The following MALT1 variants were observed in gnomAD, a reference collection of about 807,000 sequenced individuals.
MALT1 encodes the protein mucosa-associated lymphoid tissue lymphoma translocation protein 1.
In MALT1, 36 loss-of-function variants were observed where a neutral mutation model predicts 85.5. The ratio of observed to expected loss-of-function variants is 0.42; its 90% CI spans 0.32 to 0.56. The LOEUF (loss-of-function observed/expected upper bound fraction) is 0.56, where lower values mean the gene tolerates loss of function less well. Among genes scored for constraint, MALT1 ranks in the 20% least tolerant of loss-of-function variants. The probability of loss-of-function intolerance (pLI) is 0.10; values close to 1 mark genes in which losing one functional copy is unlikely to be tolerated. For missense variants in MALT1, 716 were observed against 981.6 expected, an observed-to-expected ratio of 0.73 and a Z score of 3.62; for synonymous variants, 359 against 361.3, an observed-to-expected ratio of 0.99 and a Z score of 0.07.
In MALT1 at chr18:58,709,958, G is replaced by A; in HGVS notation, c.829-18G>A. 1 of 1,485,846 alleles carries A rather than the reference G, an allele frequency of 6.7e-7. No homozygotes were observed. The highest frequency in any genetic ancestry group is 9.3e-7 in the Non-Finnish European group (1 of 1,073,194). The allele number at this position is 1,485,846 out of a possible 1,614,324, so 92.0% of individuals were successfully genotyped here. A position where few individuals can be genotyped will look rare whatever the true frequency, so the allele number is the denominator to read the frequency against. Reference sequence around the variant, plus strand: ...AAAATAGAAGAGGAAGCATTTACATGTTCTAATATTGATATAGGTGCCTTA... The same window carrying A: ...AAAATAGAAGAGGAAGCATTTACATATTCTAATATTGATATAGGTGCCTTA... On this transcript the variant is annotated intron_variant, in intron 5 of 16. Transcript: ENST00000649217.
intron 7 of MALT1, among the ~76,000 whole-genome samples, chr18:58,711,421 T>C (rs2054829475): frequency 1.3e-5 from 2 of 152,212 alleles, no homozygotes; most frequent in Non-Finnish European, 1.5e-5. Context: ...ACATATGTTC[T>C]ATGAAATATT....
intron 4 of MALT1, among the ~76,000 whole-genome samples, chr18:58,702,407 G>A (rs1253215352): frequency 6.6e-6 from 1 of 151,900 alleles, no homozygotes; most frequent in Non-Finnish European, 1.5e-5. Flanking sequence ...AAGAAACATT[G>A]TGAAACTAAC....
At chr18:58,683,900 G>T (rs994376058) in intron 2 of MALT1, among the ~76,000 whole-genome samples, 2 of 152,008 alleles carry the variant, frequency 1.3e-5, no homozygotes, top group African/African-American at 4.8e-5. Context: ...GTACATTTGT[G>T]AGCTGTAGGG....
At chr18:58,676,752 A>G (rs2054245974) in intron 1 of MALT1, among the ~76,000 whole-genome samples, 1 of 152,240 alleles carries the variant, frequency 6.6e-6, no homozygotes, top group Non-Finnish European at 1.5e-5. Context: ...CTAGAATGAA[A>G]GATCCAGGAA....
At chr18:58,708,048 T>C (rs1368600411) in intron 4 of MALT1, among the ~76,000 whole-genome samples, 5 of 152,292 alleles carry the variant, frequency 3.3e-5, no homozygotes, top group African/African-American at 9.6e-5. Context: ...TCAGGGGGTC[T>C]GAGACCCCCC....
intron 1 of MALT1, among the ~76,000 whole-genome samples, chr18:58,678,389 ATCAT>A (rs2054271974): frequency 1.3e-5 from 2 of 152,368 alleles, no homozygotes; most frequent in African/African-American, 2.4e-5. Context: ...TCATTCAGTA[ATCAT>A]TCATTAATGC....
intron 4 of MALT1, among the ~76,000 whole-genome samples, chr18:58,705,260 A>G (rs1413687506): frequency 2.7e-5 from 4 of 150,410 alleles, no homozygotes. Context: ...TTACTTCGAC[A>G]TTTACTTTTG....
At chr18:58,712,201 A>G (rs531741101) in intron 7 of MALT1, among the ~76,000 whole-genome samples, 1 of 152,332 alleles carries the variant, frequency 6.6e-6, no homozygotes, top group East Asian at 1.9e-4. Context: ...TTTCTCCAGA[A>G]GTCTCAGATG....
chr18:58,688,142 CT>C (rs567003163), intron 2 of MALT1, among the ~76,000 whole-genome samples: 115 of 152,218 alleles, frequency 7.6e-4, no homozygotes, highest in African/African-American at 2.7e-3. Context: ...CCATGGGTCC[CT>C]GTCGCACAAG....
chr18:58,671,838 G>A lies in MALT1; in HGVS notation c.195G>A (p.Gly65=). 1.6e-6 allele frequency: 2 copies of A among 1,229,108 alleles called. No individual in the cohort carries two copies. Among genetic ancestry groups the A allele is most frequent in the East Asian group, 3.3e-5 (1 of 30,674 alleles). 76.1% of individuals were successfully genotyped at this position (1,229,108 alleles called of 1,614,324 possible). A position where few individuals can be genotyped will look rare whatever the true frequency, so the allele number is the denominator to read the frequency against. The change falls in exon 1 of 17, where the codon GGG becomes GGA. Residue 65 remains glycine, a synonymous_variant. Transcript: ENST00000649217. ...TGGCGGAGCTGGCGGGGAGTCGCGG[G>A]CGCCTCCGCCTCAGGTGAGCTCAGG... The part of the protein sequence containing the change: ...RRLAELAGSR[G]RLRLSCLDLE...
chr18:58,748,203 G>A lies in MALT1; in HGVS notation c.*361G>A, dbSNP rs574342260. 56 of 258,190 alleles carry A rather than the reference G, an allele frequency of 2.2e-4. No homozygotes were observed. The highest frequency in any genetic ancestry group is 2.4e-3 in the Middle Eastern group (2 of 822). 16.0% of individuals were successfully genotyped at this position (258,190 alleles called of 1,614,324 possible). A position where few individuals can be genotyped will look rare whatever the true frequency, so the allele number is the denominator to read the frequency against. ...TTTTAACACCAGAAAGAACCTTGCC[G>A]ATCACCAGGCATAACCTAATTTTAT... is the stretch of plus-strand genomic sequence containing the variant. On this transcript the variant is annotated 3_prime_UTR_variant, in exon 17 of 17. Coordinates refer to ENST00000649217, the MANE Select transcript of MALT1 (RefSeq NM_006785.4).
At chr18:58,695,364 G>C (rs2054572599) in intron 2 of MALT1, among the ~76,000 whole-genome samples, 1 of 152,098 alleles carries the variant, frequency 6.6e-6, no homozygotes, top group Admixed American at 6.6e-5. Flanking sequence ...AGGAGTTGGG[G>C]GTGTTCCATT....
chr18:58,738,082 A>AC, intron 13 of MALT1, among the ~76,000 whole-genome samples: 1 of 152,254 alleles, frequency 6.6e-6, no homozygotes, highest in African/African-American at 2.4e-5. Context: ...CCTTGAAGTA[A>AC]CCTACATCTA....
At chr18:58,695,807 C>T (rs945559106) in intron 2 of MALT1, among the ~76,000 whole-genome samples, 3 of 152,180 alleles carry the variant, frequency 2.0e-5, no homozygotes, top group Non-Finnish European at 2.9e-5. Context: ...TAGAGCCTCC[C>T]GCTAGGCCCT....
Position 58,715,956 on chromosome 18 carries a change from A to G in MALT1, c.1007A>G (p.Asp336Gly), listed in dbSNP as rs1481134988. ...GHPDNKEQTT[D>G]QPLAKDKVAL... is the part of the protein sequence containing the mutation. ...ATAGATAATAAAGAGCAAACAACTGACCAGCCTTTGGGTGAGTAGAACTTT... is the reference window on the plus strand; with the variant it reads ...ATAGATAATAAAGAGCAAACAACTGGCCAGCCTTTGGGTGAGTAGAACTTT... Residue 336 changes from aspartate (D) to glycine (G), a missense_variant, in exon 9 of 17, where the codon GAC becomes GGC. Around this residue, in one of 4 missense-constraint regions of MALT1, gnomAD observed 290 missense variants for 380.5 expected, o/e 0.76. Transcript: ENST00000649217. 3 of 1,605,108 alleles carry G rather than the reference A, an allele frequency of 1.9e-6. No individual in the cohort carries two copies. Among genetic ancestry groups the G allele is most frequent in the Non-Finnish European group, 2.6e-6 (3 of 1,175,576 alleles).
intron 7 of MALT1, among the ~76,000 whole-genome samples, chr18:58,713,259 A>G (rs2054856391): frequency 6.6e-6 from 1 of 152,176 alleles, no homozygotes; most frequent in South Asian, 2.1e-4. Context: ...TAAAACTTGA[A>G]AAAATAGATA....
intron 2 of MALT1, 29 bp from the exon 3 acceptor site, chr18:58,696,337 A>ATTTTTTTTTTT: frequency 2.0e-6 from 2 of 990,752 alleles, no homozygotes; most frequent in Non-Finnish European, 2.6e-6. Context: ...TGTGACTTTA[A>ATTTTTTTTTTT]TTTTTTTTTT....
At chr18:58,723,012 T>A in intron 9 of MALT1, 36 bp from the exon 10 acceptor site, 1 of 1,492,374 alleles carries the variant, frequency 6.7e-7, no homozygotes, top group East Asian at 2.3e-5. Flanking sequence ...AATCTTTATA[T>A]CTTCTTTAAA....
intron 3 of MALT1, 126 bp downstream of exon 3, chr18:58,696,613 A>G (rs1026922953): frequency 1.0e-5 from 7 of 682,576 alleles, no homozygotes; most frequent in African/African-American, 9.4e-5. Flanking sequence ...TTGCTAGGTT[A>G]TTACTGAAGT....
Sources: allele counts gnomAD v4.1 joint callset (sites outside exome capture counted in the v4.1 genomes callset), GRCh38; gene constraint gnomAD v4.1.1; regional missense constraint gnomAD v4.1.1; transcripts MANE v1.5; gene names NCBI Gene and HGNC (gene_info 2026-07-23, HGNC 2026-07-21).